Variants in ZNF385D observed in about 807,000 individuals in gnomAD.
The protein encoded by ZNF385D is zinc finger protein 659.
In ZNF385D, 15 loss-of-function variants were observed where a neutral mutation model predicts 35.8. The ratio of observed to expected loss-of-function variants is 0.42; its 90% confidence interval spans 0.28 to 0.64. ZNF385D has a LOEUF of 0.64. ZNF385D is among the 30% of genes least tolerant of loss of function. The pLI is 0.23. For synonymous variants in ZNF385D, 212 were observed against 186.8 expected, an observed-to-expected ratio of 1.13 and a Z score of -1.10; for missense variants, 474 against 494.6, an observed-to-expected ratio of 0.96 and a Z score of 0.39.
At chr3:21,433,835 A>G (rs910563844) in intron 5 of ZNF385D, among the ~76,000 whole-genome samples, 6 of 152,152 alleles carry the variant, frequency 3.9e-5, no homozygotes, top group South Asian at 2.1e-4. Flanking sequence ...TTTAGTGTAT[A>G]TTAAATTCGC....
intron 3 of ZNF385D, among the ~76,000 whole-genome samples, chr3:22,157,735 G>T (rs1471619198): frequency 1.3e-5 from 2 of 152,088 alleles, no homozygotes; most frequent in South Asian, 2.1e-4. Flanking sequence ...GTAAACTATT[G>T]AATTGAAATT....
At chr3:21,651,287 CAAAAAAAAAAAAA>C (rs71044931) in intron 2 of ZNF385D, among the ~76,000 whole-genome samples, 4 of 80,120 alleles carry the variant, frequency 5.0e-5, no homozygotes, top group African/African-American at 1.0e-4. Flanking sequence ...GACTTCATCT[CAAAAAAAAAAAAA>C]AAAAAAAAAA....
chr3:21,805,759 T>C (rs1391352260), intron 3 of ZNF385D, among the ~76,000 whole-genome samples: 2 of 152,164 alleles, frequency 1.3e-5, no homozygotes, highest in East Asian at 1.9e-4. Context: ...GTCCATCAAG[T>C]AGAGATGCTA....
chr3:21,917,092 T>C (rs899122496), intron 3 of ZNF385D, among the ~76,000 whole-genome samples: 13 of 152,196 alleles, frequency 8.5e-5, no homozygotes, highest in Non-Finnish European at 4.4e-5. Context: ...TAAAGAATTA[T>C]TATCCCTAAA....
chr3:21,977,772 G>A (rs150012615), intron 3 of ZNF385D, among the ~76,000 whole-genome samples: 1 of 152,186 alleles, frequency 6.6e-6, no homozygotes, highest in African/African-American at 2.4e-5. Flanking sequence ...GCAATTGGAG[G>A]TTACGGTGGG....
intron 3 of ZNF385D, among the ~76,000 whole-genome samples, chr3:21,930,833 G>A (rs557043510): frequency 1.3e-5 from 2 of 152,050 alleles, no homozygotes; most frequent in East Asian, 3.9e-4. Flanking sequence ...ACTTATTGAA[G>A]ACCAACATGT....
intron 3 of ZNF385D, among the ~76,000 whole-genome samples, chr3:22,125,706 T>C (rs1703387242): frequency 6.6e-6 from 1 of 152,142 alleles, no homozygotes; most frequent in Non-Finnish European, 1.5e-5. Context: ...ATTATATTCT[T>C]GATTTATCAA....
At chr3:21,819,585 T>C (rs1431133669) in intron 3 of ZNF385D, among the ~76,000 whole-genome samples, 1 of 148,816 alleles carries the variant, frequency 6.7e-6, no homozygotes, top group Non-Finnish European at 1.5e-5. Context: ...TGTACACATA[T>C]GTGCTACATA....
intron 3 of ZNF385D, among the ~76,000 whole-genome samples, chr3:22,038,173 G>C (rs1698454211): frequency 6.6e-6 from 1 of 152,142 alleles, no homozygotes; most frequent in African/African-American, 2.4e-5. Flanking sequence ...GAACTACGAA[G>C]TGTAGGAGAT....
intron 3 of ZNF385D, among the ~76,000 whole-genome samples, chr3:21,758,076 G>A (rs1490847191): frequency 1.3e-5 from 2 of 152,060 alleles, no homozygotes; most frequent in Non-Finnish European, 1.5e-5. Context: ...CAGATACTTT[G>A]TTTTCTGAGA....
intron 2 of ZNF385D, among the ~76,000 whole-genome samples, chr3:22,308,029 C>T (rs1200759997): frequency 2.0e-5 from 3 of 152,056 alleles, no homozygotes; most frequent in Non-Finnish European, 4.4e-5. Context: ...GGTCTCTAGA[C>T]AGCTCCATTT....
chr3:21,617,544 C>A (rs539821230), intron 2 of ZNF385D, among the ~76,000 whole-genome samples: 17 of 152,210 alleles, frequency 1.1e-4, no homozygotes, highest in Admixed American at 3.9e-4. Flanking sequence ...CGGAACAACC[C>A]CACGAGAAAG....
At chr3:21,938,094 A>G (rs1701346891) in intron 3 of ZNF385D, among the ~76,000 whole-genome samples, 1 of 152,244 alleles carries the variant, frequency 6.6e-6, no homozygotes, top group Admixed American at 6.5e-5. Context: ...ATCCCAATGC[A>G]TAGAATATTG....
chr3:22,314,896 G>A (rs1224326254), intron 2 of ZNF385D, among the ~76,000 whole-genome samples: 1 of 152,146 alleles, frequency 6.6e-6, no homozygotes. Flanking sequence ...GAGGGATTGT[G>A]CAACAAATGG....
At chr3:21,493,976 T>A (rs1218470716) in intron 4 of ZNF385D, among the ~76,000 whole-genome samples, 1 of 152,198 alleles carries the variant, frequency 6.6e-6, no homozygotes, top group African/African-American at 2.4e-5. Context: ...ACAGGCTTTT[T>A]TTTCCTTTGT....
intron 2 of ZNF385D, among the ~76,000 whole-genome samples, chr3:22,296,611 G>C (rs760740349): frequency 3.9e-5 from 6 of 152,130 alleles, no homozygotes; most frequent in Non-Finnish European, 4.4e-5. Context: ...GCCTGCCTCA[G>C]TTTGAACACT....
chr3:21,907,001 T>C (rs1699716122), intron 3 of ZNF385D, among the ~76,000 whole-genome samples: 1 of 152,168 alleles, frequency 6.6e-6, no homozygotes, highest in Non-Finnish European at 1.5e-5. Flanking sequence ...CTCCACATTA[T>C]GCTGCATCTA....
At chr3:21,570,099 T>C (rs1481921397) in intron 2 of ZNF385D, among the ~76,000 whole-genome samples, 1 of 151,288 alleles carries the variant, frequency 6.6e-6, no homozygotes, top group African/African-American at 2.4e-5. Context: ...AAAAAAAGAA[T>C]TTTCTAAATC....
intron 2 of ZNF385D, among the ~76,000 whole-genome samples, chr3:22,270,706 CTTT>C (rs560159159): frequency 6.6e-6 from 1 of 151,602 alleles, no homozygotes; most frequent in Non-Finnish European, 1.5e-5. Flanking sequence ...ATGATTTGTG[CTTT>C]TTTTTACTGA....
Sources: allele counts gnomAD v4.1 joint callset (sites outside exome capture counted in the v4.1 genomes callset), GRCh38; gene constraint gnomAD v4.1.1; transcripts MANE v1.5; gene names NCBI Gene and HGNC (gene_info 2026-07-23, HGNC 2026-07-21).